The following FXYD6 variants were observed in gnomAD, a reference collection of about 807,000 sequenced individuals.
FXYD6 encodes the protein FXYD domain containing ion transport regulator 6.
In FXYD6, 7 loss-of-function variants were observed where a neutral mutation model predicts 16.7. The observed-to-expected ratio is 0.42, with a 90% CI of 0.24 to 0.79. FXYD6 has a LOEUF of 0.79. Ranked by LOEUF, FXYD6 falls within the 30% of genes least tolerant of loss-of-function variation. The pLI is 0.28. For missense variants in FXYD6, 111 were observed against 116.2 expected (o/e 0.95, Z 0.21); for synonymous variants, 49 against 43.0 (o/e 1.14, Z -0.54).
chr11:117,841,858 C>T lies in FXYD6; in HGVS notation c.105G>A (p.Gln35=), dbSNP rs2056353870. 6.2e-7 allele frequency: 1 copy of T among 1,613,892 alleles called. No individual in the cohort carries two copies. The highest frequency in any genetic ancestry group is 1.3e-5 in the African/African-American group (1 of 74,856). ...KEMDPFHYDY[Q]TLRIGGLVFA... is the part of the protein sequence containing the mutation. ...ACACCAGTCCCCCAATCCTCAGGGT[C>T]TGGTAATCTGCCAAAGGAACCAAGG... Residue 35 remains glutamine (Q), a synonymous_variant, in exon 4 of 8, where the codon CAG becomes CAA. Transcript: ENST00000526014.
upstream of FXYD6, chr11:117,876,759 G>T (rs1291198444): frequency 6.6e-6 from 1 of 151,992 alleles, no homozygotes; most frequent in Non-Finnish European, 1.5e-5. Context: ...CGGGGGCGGG[G>T]GGGGGGCTCG....
chr11:117,858,632 TTTC>T (rs1565323148), intron 1 of FXYD6, among the ~76,000 whole-genome samples: 5 of 20,048 alleles, frequency 2.5e-4, no homozygotes. Flanking sequence ...CATTTTCTTT[TTTC>T]TTTCTTTCTT....
At chr11:117,862,456 G>A (rs1055186518) in intron 1 of FXYD6, among the ~76,000 whole-genome samples, 2 of 152,212 alleles carry the variant, frequency 1.3e-5, no homozygotes, top group Non-Finnish European at 2.9e-5. Flanking sequence ...TCAACAGACA[G>A]CTGCTGTTCC....
chr11:117,838,423 A>AG, intron 7 of FXYD6, 146 bp from the exon 8 acceptor site: 1 of 656,912 alleles, frequency 1.5e-6, no homozygotes, highest in South Asian at 1.7e-5. Flanking sequence ...ACAAAGACAC[A>AG]GGGGAGGGGT....
chr11:117,844,868 G>A (rs1363021705), intron 1 of FXYD6, among the ~76,000 whole-genome samples: 1 of 152,194 alleles, frequency 6.6e-6, no homozygotes, highest in Non-Finnish European at 1.5e-5. Flanking sequence ...TTTCAGTTAT[G>A]CAAAATGAGT....
chr11:117,874,780 G>A (rs1454711491), intron 1 of FXYD6, among the ~76,000 whole-genome samples: 1 of 152,258 alleles, frequency 6.6e-6, no homozygotes, highest in Non-Finnish European at 1.5e-5. Context: ...AGCTTCTGGA[G>A]CCCAGCACCT....
chr11:117,860,970 C>T (rs536055072), intron 1 of FXYD6, among the ~76,000 whole-genome samples: 1 of 152,342 alleles, frequency 6.6e-6, no homozygotes, highest in Admixed American at 6.5e-5. Context: ...GATTCAATCC[C>T]AAGCAACCTG....
At chr11:117,858,720 C>T (rs1219047474) in intron 1 of FXYD6, among the ~76,000 whole-genome samples, 19 of 95,128 alleles carry the variant, frequency 2.0e-4, no homozygotes, top group Non-Finnish European at 2.3e-4. Context: ...TCTCTCCTTC[C>T]TTCCCTTCCT....
chr11:117,874,606 G>A (rs940209911), intron 1 of FXYD6, among the ~76,000 whole-genome samples: 1 of 152,210 alleles, frequency 6.6e-6, no homozygotes, highest in Non-Finnish European at 1.5e-5. Flanking sequence ...TCCTGGGACA[G>A]TAACCACTTT....
intron 1 of FXYD6, among the ~76,000 whole-genome samples, chr11:117,864,361 GT>G (rs2056969722): frequency 2.0e-5 from 3 of 152,194 alleles, no homozygotes; most frequent in African/African-American, 7.2e-5. Context: ...TTTTCAACAA[GT>G]AAGTGCCAGG....
At chr11:117,841,694 C>T in intron 4 of FXYD6, 97 bp downstream of exon 4, 2 of 1,439,728 alleles carry the variant, frequency 1.4e-6, no homozygotes, top group Non-Finnish European at 1.9e-6. Flanking sequence ...CTCCTTTCCT[C>T]TCCAGGAGAG....
At chr11:117,843,346 T>C (rs1354968679) in intron 1 of FXYD6, among the ~76,000 whole-genome samples, 1 of 152,230 alleles carries the variant, frequency 6.6e-6, no homozygotes, top group Admixed American at 6.5e-5. Flanking sequence ...TGAAGCTTAA[T>C]GAGGCTGACA....
In FXYD6 at chr11:117,841,610, C is replaced by T. The variant is rs966290371; in HGVS notation, c.172+181G>A. ...TATGACATTTTCTTTGTTCCCGTGTCACTGTTTTACTGAGCACTTACTATG... is the reference window on the plus strand; with the variant it reads ...TATGACATTTTCTTTGTTCCCGTGTTACTGTTTTACTGAGCACTTACTATG... On this transcript the variant is annotated intron_variant, in intron 4 of 7. Coordinates refer to ENST00000526014, the MANE Select transcript of FXYD6 (RefSeq NM_022003.4). 16 of 649,604 alleles carry T rather than the reference C, an allele frequency of 2.5e-5. No homozygotes were observed. In the Admixed American group the frequency reaches 4.2e-4, roughly 17 times the overall value. The allele number at this position is 649,604 out of a possible 1,614,324, so 40.2% of individuals were successfully genotyped here. A position where few individuals can be genotyped will look rare whatever the true frequency, so the allele number is the denominator to read the frequency against.
chr11:117,842,198 G>A (rs1419574088), intron 2 of FXYD6, 170 bp from the exon 3 acceptor site: 17 of 966,818 alleles, frequency 1.8e-5, no homozygotes, highest in Non-Finnish European at 2.4e-5. Context: ...CAGTTAGGGG[G>A]TTAGGGGAAC....
chr11:117,873,608 TCCCTTAGGGTGCTCA>T (rs1216379965), intron 1 of FXYD6, among the ~76,000 whole-genome samples: 1 of 152,228 alleles, frequency 6.6e-6, no homozygotes, highest in East Asian at 1.9e-4. Flanking sequence ...CTGGTTTGCT[TCCCTTAGGGTGCTCA>T]GAAGGTGATT....
chr11:117,851,449 A>G (rs1227952890), intron 1 of FXYD6, among the ~76,000 whole-genome samples: 1 of 152,238 alleles, frequency 6.6e-6, no homozygotes, highest in African/African-American at 2.4e-5. Context: ...GAGCTTGGAA[A>G]CAGATCTTCC....
chr11:117,842,139 G>A (rs1348064284), intron 2 of FXYD6, 111 bp from the exon 3 acceptor site: 2 of 1,535,478 alleles, frequency 1.3e-6, no homozygotes, highest in Admixed American at 1.7e-5. Context: ...CAGAGGAGCA[G>A]GGCCCATTAA....
At chr11:117,864,667 A>G (rs1591587291) in intron 1 of FXYD6, among the ~76,000 whole-genome samples, 1 of 152,170 alleles carries the variant, frequency 6.6e-6, no homozygotes, top group East Asian at 1.9e-4. Flanking sequence ...GCTGACTGCA[A>G]CCTCCACCTC....
At chr11:117,842,695 G>T in intron 2 of FXYD6, 24 bp downstream of exon 2, 1 of 1,556,262 alleles carries the variant, frequency 6.4e-7, no homozygotes. Context: ...TCTTGTCACA[G>T]CCAGGTCCCA....
Sources: gnomAD v4.1 joint callset for allele counts (sites outside exome capture counted in the v4.1 genomes callset) on GRCh38, gnomAD v4.1.1 for gene constraint, MANE v1.5 for transcripts, NCBI Gene and HGNC (gene_info 2026-07-23, HGNC 2026-07-21) for gene names.